Variants in NEK5 observed in about 807,000 individuals in gnomAD.
NEK5 encodes NIMA related kinase 5.
NEK5 carries 88 observed loss-of-function variants against 109.2 expected under a neutral mutation model. The observed-to-expected ratio is 0.81, with a 90% CI of 0.68 to 0.96. The LOEUF is 0.96. Among genes scored for constraint, NEK5 ranks in the 40% least tolerant of loss-of-function variants. The pLI is 0.00. For synonymous variants in NEK5, 283 were observed against 299.9 expected (o/e 0.94, Z 0.58); for missense variants, 834 against 920.7 (o/e 0.91, Z 1.22).
At position 52,037,109 on chromosome 13, in the gene NEK5, T is replaced by C. The variant is rs1467902696; in HGVS notation, c.2338A>G (p.Lys780Glu). 6 of 985,404 alleles carry C rather than the reference T, an allele frequency of 6.1e-6. No homozygotes were observed. The highest frequency in any genetic ancestry group is 1.7e-5 in the African/African-American group (1 of 57,360). The allele number at this position is 985,404 out of a possible 1,614,324, so 61.0% of individuals were successfully genotyped here. The stretch of plus-strand genomic sequence containing the variant: ...CTTTCTCTTGACTTTCTAGAGTCCT[T>C]AGAGGTACTGGAGGCCTCTTCTGTT... ...EKTEEASSTS[K>E]DSRKSREREG... The change falls in exon 24 of 24, where the codon AAG becomes GAG. Residue 780 changes from lysine to glutamate, a missense_variant. Lys to Glu is a moderately conservative substitution (Grantham distance 56). Coordinates refer to ENST00000684899, the MANE Select transcript of NEK5 (RefSeq NM_001365552.1).
Position 52,101,930 on chromosome 13 carries a change from T to C in NEK5, c.892+3A>G, listed in dbSNP as rs1175878386. The C allele has an allele frequency of 2.5e-6, 4 of 1,611,766 alleles. No individual in the cohort carries two copies. Among genetic ancestry groups the C allele is most frequent in the Non-Finnish European group, 2.5e-6 (3 of 1,177,936 alleles). ...TTTGATTGCATGCCAAAGTCACACT[T>C]ACTCTGGACCACCTTCCCAGCATGT... On this transcript the variant is annotated splice_donor_region_variant and intron_variant, in intron 11 of 23. Coordinates refer to ENST00000684899, the MANE Select transcript of NEK5 (RefSeq NM_001365552.1).
intron 20 of NEK5, among the ~76,000 whole-genome samples, chr13:52,069,613 T>G (rs558936676): frequency 6.6e-6 from 1 of 152,188 alleles, no homozygotes; most frequent in Admixed American, 6.5e-5. Flanking sequence ...CCCGACCCCA[T>G]TACCCTCCAT....
At position 52,083,370 on chromosome 13, in the gene NEK5, C is replaced by A; in HGVS notation, c.1480-18G>T. 1 of 1,487,516 alleles carries A rather than the reference C, an allele frequency of 6.7e-7. No individual in the cohort carries two copies. Among genetic ancestry groups the A allele is most frequent in the Non-Finnish European group, 9.4e-7 (1 of 1,065,368 alleles). The allele number at this position is 1,487,516 out of a possible 1,614,324, so 92.1% of individuals were successfully genotyped here. A position where few individuals can be genotyped will look rare whatever the true frequency, so the allele number is the denominator to read the frequency against. On this transcript the variant is annotated intron_variant, in intron 16 of 23. Coordinates refer to ENST00000684899, the MANE Select transcript of NEK5 (RefSeq NM_001365552.1). Reference sequence around the variant, plus strand: ...GAGTTCTCCTTTAACACAAATTATACACAGTCAACAAGATTGGTTCTGAGT... The same window carrying A: ...GAGTTCTCCTTTAACACAAATTATAAACAGTCAACAAGATTGGTTCTGAGT...
In NEK5 at chr13:52,033,863, CAATAG is replaced by C. The variant is rs1216327050; in HGVS notation, c.*3080_*3084del. ...TCTGTGCCAAATCTGTCAATCAGTACAATAGAAAAGTTAATTATATAACTACAACA... is the reference window on the plus strand; with the variant it reads ...TCTGTGCCAAATCTGTCAATCAGTACAAAAGTTAATTATATAACTACAACA... On this transcript the variant is annotated 3_prime_UTR_variant, in exon 24 of 24. Coordinates refer to ENST00000684899, the MANE Select transcript of NEK5 (RefSeq NM_001365552.1). 4 of 152,078 alleles carry C rather than the reference CAATAG, an allele frequency of 2.6e-5. No individual in the cohort carries two copies. Among genetic ancestry groups the C allele is most frequent in the Non-Finnish European group, 5.9e-5 (4 of 68,008 alleles). The allele number at this position is 152,078 out of a possible 1,614,324, so 9.4% of individuals were successfully genotyped here.
intron 19 of NEK5, among the ~76,000 whole-genome samples, chr13:52,073,966 G>T (rs1954823037): frequency 6.6e-6 from 1 of 152,060 alleles, no homozygotes; most frequent in Non-Finnish European, 1.5e-5. Flanking sequence ...AACACAGAAA[G>T]AAATCATACA....
chr13:52,054,391 G>A (rs1954534282), intron 22 of NEK5, among the ~76,000 whole-genome samples: 2 of 152,232 alleles, frequency 1.3e-5, no homozygotes, highest in Non-Finnish European at 2.9e-5. Flanking sequence ...CACAATCATG[G>A]CTCATGGCAG....
rs1257805963 is a variant in NEK5 at position 52,080,659 on chromosome 13, A to C, written c.1572+2601T>G. Among the ~76,000 whole-genome samples the C allele has an allele frequency of 3.9e-5, 6 of 152,118 alleles. No homozygotes were observed. The East Asian group carries it at 1.2e-3, about 29-fold the overall frequency. Reference sequence around the variant, plus strand: ...GGGTTAAATGGATTAAGGGCGGTGCAAGATGTGCTTTGTTAAACAGATGCT... The same window carrying C: ...GGGTTAAATGGATTAAGGGCGGTGCCAGATGTGCTTTGTTAAACAGATGCT... On this transcript the variant is annotated intron_variant, in intron 17 of 23. Coordinates refer to ENST00000684899, the MANE Select transcript of NEK5 (RefSeq NM_001365552.1).
At chr13:52,068,466 TAC>T (rs5803591) in intron 20 of NEK5, among the ~76,000 whole-genome samples, 81,656 of 148,082 alleles carry the variant, frequency 0.55, 25,119 homozygotes, top group Non-Finnish European at 0.7. Context: ...AATACACAAA[TAC>T]ACACACACAC....
At chr13:52,040,377 A>T (rs892044486) in intron 23 of NEK5, among the ~76,000 whole-genome samples, 1 of 151,874 alleles carries the variant, frequency 6.6e-6, no homozygotes, top group Non-Finnish European at 1.5e-5. Context: ...GAGCCACTGC[A>T]CCCAGCCTCT....
intron 23 of NEK5, among the ~76,000 whole-genome samples, chr13:52,042,514 G>T (rs942836269): frequency 2.6e-5 from 4 of 151,678 alleles, no homozygotes; most frequent in Non-Finnish European, 2.9e-5. Context: ...AAGAAACAAT[G>T]TTGATAATTG....
At chr13:52,101,583 T>C (rs916378233) in intron 11 of NEK5, among the ~76,000 whole-genome samples, 1 of 152,154 alleles carries the variant, frequency 6.6e-6, no homozygotes, top group African/African-American at 2.4e-5. Context: ...AAAATAAGTT[T>C]CATCTCATCA....
intron 14 of NEK5, 49 bp from the exon 15 acceptor site, chr13:52,087,503 C>T: frequency 1.1e-6 from 1 of 921,482 alleles, no homozygotes. Flanking sequence ...ATTTCGGAAA[C>T]ATCTTCTGAT....
intron 20 of NEK5, 142 bp downstream of exon 20, chr13:52,071,802 T>C (rs932907537): frequency 5.7e-6 from 4 of 698,078 alleles, no homozygotes; most frequent in South Asian, 3.4e-5. Flanking sequence ...AGGAGAATAA[T>C]AAGTGTGTTT....
At chr13:52,110,228 C>T (rs1955731072) in intron 7 of NEK5, 112 bp downstream of exon 7, 1 of 697,278 alleles carries the variant, frequency 1.4e-6, no homozygotes, top group Non-Finnish European at 2.5e-6. Context: ...CATAAAGCTA[C>T]CTAAAATTAT....
intron 20 of NEK5, among the ~76,000 whole-genome samples, chr13:52,066,580 C>T (rs1197231539): frequency 2.0e-5 from 3 of 151,968 alleles, no homozygotes; most frequent in Middle Eastern, 3.4e-3. Flanking sequence ...CCGAGGCGGG[C>T]GGATCACAAG....
chr13:52,110,733 C>T (rs894187826), intron 5 of NEK5, among the ~76,000 whole-genome samples, 156 bp from the exon 6 acceptor site: 10 of 152,006 alleles, frequency 6.6e-5, no homozygotes, highest in Admixed American at 3.9e-4. Flanking sequence ...TTAATAGGTA[C>T]ACTTTATCAT....
chr13:52,042,550 G>A (rs1954423310), intron 23 of NEK5, among the ~76,000 whole-genome samples: 1 of 151,606 alleles, frequency 6.6e-6, no homozygotes, highest in Non-Finnish European at 1.5e-5. Context: ...GGATACATGA[G>A]GGTTCATTAT....
chr13:52,097,545 G>C (rs1955442436), intron 12 of NEK5, among the ~76,000 whole-genome samples: 2 of 152,196 alleles, frequency 1.3e-5, no homozygotes, highest in African/African-American at 4.8e-5. Context: ...TTTGCATGGG[G>C]TCTATAAACC....
chr13:52,119,861 GACT>G, intron 3 of NEK5, among the ~76,000 whole-genome samples: 1 of 152,266 alleles, frequency 6.6e-6, no homozygotes, highest in Non-Finnish European at 1.5e-5. Flanking sequence ...GTATTAAGAT[GACT>G]ACATTTTTCA....
Sources: allele counts gnomAD v4.1 joint callset (sites outside exome capture counted in the v4.1 genomes callset), GRCh38; gene constraint gnomAD v4.1.1; transcripts MANE v1.5; gene names NCBI Gene and HGNC (gene_info 2026-07-23, HGNC 2026-07-21).